The following HS3ST2 variants were observed in gnomAD, a reference collection of about 807,000 sequenced individuals.
The protein encoded by HS3ST2 is heparan sulfate-glucosamine 3-sulfotransferase 2.
HS3ST2 carries 17 observed loss-of-function variants against 26.3 expected under a neutral mutation model. The ratio of observed to expected loss-of-function variants is 0.65; its 90% CI spans 0.44 to 0.97. HS3ST2 has a LOEUF of 0.97. HS3ST2 is among the 50% of genes least tolerant of loss of function. The pLI, the probability that HS3ST2 is intolerant of heterozygous loss-of-function variation, is 0.00. For synonymous variants in HS3ST2, 237 were observed against 219.2 expected, an observed-to-expected ratio of 1.08 and a Z score of -0.72; for missense variants, 402 against 501.2, an observed-to-expected ratio of 0.80 and a Z score of 1.89.
rs368786272 is a variant in HS3ST2 at position 22,884,677 on chromosome 16, T to TA, written c.486-30267_486-30266insA. 1.9e-3 allele frequency among the ~76,000 whole-genome samples: 257 copies of TA among 138,310 alleles called. 1 individual carries two copies. The highest frequency in any genetic ancestry group is 5.7e-3 in the African/African-American group (220 of 38,452). 90.7% of individuals were successfully genotyped at this position (138,310 alleles called of 152,430 possible). A position where few individuals can be genotyped will look rare whatever the true frequency, so the allele number is the denominator to read the frequency against. ...AGAAAAAAATATATATATATATATA[T>TA]TATATATATATATATATGTCTACTC... On this transcript the variant is annotated intron_variant, in intron 1 of 1. Transcript: ENST00000261374.
chr16:22,886,453 C>T (rs1370387787), intron 1 of HS3ST2, among the ~76,000 whole-genome samples: 2 of 152,124 alleles, frequency 1.3e-5, no homozygotes, highest in African/African-American at 2.4e-5. Flanking sequence ...GGGATGCTGC[C>T]GGCCTCACGG....
intron 1 of HS3ST2, among the ~76,000 whole-genome samples, chr16:22,888,822 G>A (rs1902097532): frequency 6.6e-6 from 1 of 152,206 alleles, no homozygotes; most frequent in South Asian, 2.1e-4. Context: ...GGGCTTAACT[G>A]AGGCACTCTT....
At chr16:22,907,042 A>G (rs532342759) in intron 1 of HS3ST2, among the ~76,000 whole-genome samples, 6 of 152,370 alleles carry the variant, frequency 3.9e-5, no homozygotes, top group Admixed American at 3.9e-4. Flanking sequence ...AAGGGTTTAC[A>G]GAGGGTGTGT....
At chr16:22,840,903 T>C (rs28515633) in intron 1 of HS3ST2, among the ~76,000 whole-genome samples, 2,567 of 152,126 alleles carry the variant, frequency 0.017, 69 homozygotes, top group African/African-American at 0.055. Context: ...CATGTTGGTG[T>C]GCTGCACCCA....
intron 1 of HS3ST2, among the ~76,000 whole-genome samples, chr16:22,896,868 G>A (rs991806410): frequency 2.6e-5 from 4 of 152,006 alleles, no homozygotes; most frequent in Non-Finnish European, 5.9e-5. Flanking sequence ...GTGCAACGGC[G>A]CAATCTCAGC....
chr16:22,900,985 GT>G (rs968943236), intron 1 of HS3ST2, among the ~76,000 whole-genome samples: 12 of 152,224 alleles, frequency 7.9e-5, no homozygotes, highest in African/African-American at 2.9e-4. Context: ...TAGATAGCTG[GT>G]TTTTTTGAAA....
chr16:22,915,777 C>G lies in HS3ST2; in HGVS notation c.*215C>G, dbSNP rs778825352. 6 of 574,684 alleles carry G rather than the reference C, an allele frequency of 1.0e-5. No homozygotes were observed. The Admixed American group carries it at 2.0e-4, about 19-fold the overall frequency. The allele number at this position is 574,684 out of a possible 1,614,324, so 35.6% of individuals were successfully genotyped here. On this transcript the variant is annotated 3_prime_UTR_variant, in exon 2 of 2. Transcript: ENST00000261374. ...ATCAGTCTGTTCAAGCAAAGTTGAT[C>G]TGCTCCTGGCACGTCCAGTAAATTC...
chr16:22,895,087 G>GT (rs1902190679), intron 1 of HS3ST2, among the ~76,000 whole-genome samples: 1 of 90,578 alleles, frequency 1.1e-5, no homozygotes, highest in Non-Finnish European at 2.4e-5. Flanking sequence ...TTTTTTTTTT[G>GT]TTGTTTGTTT....
chr16:22,884,475 G>A (rs907791223), intron 1 of HS3ST2, among the ~76,000 whole-genome samples: 14 of 151,820 alleles, frequency 9.2e-5, no homozygotes, highest in Admixed American at 7.2e-4. Context: ...GGGACTCTCC[G>A]TAACTTCTCA....
intron 1 of HS3ST2, among the ~76,000 whole-genome samples, chr16:22,847,923 AAAGGAAGG>A (rs202057653): frequency 7.6e-4 from 115 of 151,452 alleles, no homozygotes; most frequent in Middle Eastern, 3.4e-3. Context: ...GGAAGGAAGA[AAAGGAAGG>A]AAGGAAGGAA....
intron 1 of HS3ST2, among the ~76,000 whole-genome samples, chr16:22,818,609 T>A (rs1368122190): frequency 1.3e-5 from 2 of 151,966 alleles, no homozygotes; most frequent in African/African-American, 4.8e-5. Flanking sequence ...TCCTCTTTAT[T>A]CCTTCCCTTC....
chr16:22,823,438 G>A (rs750245882), intron 1 of HS3ST2, among the ~76,000 whole-genome samples: 17 of 152,278 alleles, frequency 1.1e-4, no homozygotes, highest in South Asian at 1.0e-3. Flanking sequence ...TTACCAAGAT[G>A]AGGCACACAA....
chr16:22,871,493 A>G (rs1194543864), intron 1 of HS3ST2, among the ~76,000 whole-genome samples: 1 of 152,174 alleles, frequency 6.6e-6, no homozygotes, highest in East Asian at 1.9e-4. Context: ...CATTAAACAC[A>G]TTTTTAACTT....
chr16:22,856,343 A>G (rs1901593962), intron 1 of HS3ST2, among the ~76,000 whole-genome samples: 1 of 152,182 alleles, frequency 6.6e-6, no homozygotes, highest in Non-Finnish European at 1.5e-5. Context: ...GACTGGTGAC[A>G]AGTGACAGTC....
In HS3ST2 at chr16:22,814,220, C is replaced by T. The variant is rs1900813322; in HGVS notation, c.-391C>T. On this transcript the variant is annotated 5_prime_UTR_variant, in exon 1 of 2. Coordinates refer to ENST00000261374, the MANE Select transcript of HS3ST2 (RefSeq NM_006043.2). ...CCAGCGCCACCGTCCGGTCCACCCG[C>T]CAGCCCGCACAGCCGCGCCGCCGCC... is the stretch of plus-strand genomic sequence containing the variant. The T allele has an allele frequency of 5.4e-6, 1 of 184,996 alleles. No homozygotes were observed. The highest frequency in any genetic ancestry group is 6.2e-5 in the Admixed American group (1 of 16,112). 11.5% of individuals were successfully genotyped at this position (184,996 alleles called of 1,614,324 possible).
chr16:22,887,652 T>C (rs1902078736), intron 1 of HS3ST2, among the ~76,000 whole-genome samples: 1 of 152,150 alleles, frequency 6.6e-6, no homozygotes, highest in Non-Finnish European at 1.5e-5. Context: ...TCCCTCTTAG[T>C]CTTCACCCTC....
At chr16:22,900,484 C>A (rs567109032) in intron 1 of HS3ST2, among the ~76,000 whole-genome samples, 4 of 152,182 alleles carry the variant, frequency 2.6e-5, no homozygotes, top group Middle Eastern at 6.8e-3. Flanking sequence ...TGTGGTGGGT[C>A]CTGAGCTGGC....
intron 1 of HS3ST2, among the ~76,000 whole-genome samples, chr16:22,834,345 T>G (rs1402639082): frequency 6.6e-6 from 1 of 152,200 alleles, no homozygotes; most frequent in African/African-American, 2.4e-5. Context: ...CTGCTATTCA[T>G]ATCAGTACAT....
intron 1 of HS3ST2, among the ~76,000 whole-genome samples, chr16:22,855,522 C>T (rs1030716009): frequency 1.3e-5 from 2 of 152,188 alleles, no homozygotes; most frequent in Non-Finnish European, 2.9e-5. Context: ...GCTGCAACTG[C>T]CACGCCCCTG....
Sources: gnomAD v4.1 joint callset for allele counts (sites outside exome capture counted in the v4.1 genomes callset) on GRCh38, gnomAD v4.1.1 for gene constraint, MANE v1.5 for transcripts, NCBI Gene and HGNC (gene_info 2026-07-23, HGNC 2026-07-21) for gene names.